GOLT1B: variants seen among roughly 807,000 people sequenced by gnomAD.
GOLT1B encodes golgi transport 1B, also known as vesicle transport protein GOT1B.
In GOLT1B, 3 loss-of-function variants were observed where a neutral mutation model predicts 15.4. The ratio of observed to expected loss-of-function variants is 0.19; its 90% CI spans 0.09 to 0.50. GOLT1B has a LOEUF of 0.50. Ranked by LOEUF, GOLT1B falls within the 20% of genes least tolerant of loss-of-function variation. GOLT1B has a pLI of 0.97. For missense variants in GOLT1B, 145 were observed against 160.4 expected (o/e 0.90, Z 0.52); for synonymous variants, 65 against 56.2 (o/e 1.16, Z -0.70).
intron 1 of GOLT1B, among the ~76,000 whole-genome samples, chr12:21,502,409 A>G (rs1943639253): frequency 6.6e-6 from 1 of 152,208 alleles, no homozygotes; most frequent in Admixed American, 6.5e-5. Flanking sequence ...TGTCACCTAC[A>G]GTAGGCTCTT....
chr12:21,504,187 AT>A (rs1403899479), intron 1 of GOLT1B, among the ~76,000 whole-genome samples: 1 of 151,936 alleles, frequency 6.6e-6, no homozygotes, highest in East Asian at 1.9e-4. Flanking sequence ...TTGTTTTTAT[AT>A]TTTTTTTAAC....
At chr12:21,504,189 T>A (rs537279828) in intron 1 of GOLT1B, among the ~76,000 whole-genome samples, 13 of 152,284 alleles carry the variant, frequency 8.5e-5, no homozygotes, top group African/African-American at 1.4e-4. Context: ...GTTTTTATAT[T>A]TTTTTTAACT....
Position 21,501,891 on chromosome 12 carries a change from G to C in GOLT1B, c.-33G>C, listed in dbSNP as rs71539408. On this transcript the variant is annotated 5_prime_UTR_variant, in exon 1 of 5. Coordinates refer to ENST00000229314, the MANE Select transcript of GOLT1B (RefSeq NM_016072.5). ...CAGCTTCCCACCCTGGGCTTTCCGAGGTGCTGTCGCCGCTGTCCCCACCAC... is the reference window on the plus strand; with the variant it reads ...CAGCTTCCCACCCTGGGCTTTCCGACGTGCTGTCGCCGCTGTCCCCACCAC... 0.033 allele frequency: 51,674 copies of C among 1,553,666 alleles called. 1,001 individuals are homozygous for C. The highest frequency in any genetic ancestry group is 0.04 in the Middle Eastern group (238 of 5,974).
chr12:21,507,034 AATT>A (rs1487433500), intron 2 of GOLT1B, 58 bp downstream of exon 2: 13 of 724,048 alleles, frequency 1.8e-5, no homozygotes, highest in Non-Finnish European at 2.7e-5. Flanking sequence ...ACTACGAATG[AATT>A]ATTATCTGCT....
intron 1 of GOLT1B, among the ~76,000 whole-genome samples, chr12:21,503,304 A>G (rs1035972516): frequency 1.3e-5 from 2 of 152,234 alleles, no homozygotes; most frequent in African/African-American, 2.4e-5. Context: ...TGCCCCTTTC[A>G]TAAGTTAAAT....
rs1032982178 is a variant in GOLT1B, at chr12:21,517,580, A to C, written c.*1873A>C. 7 of 151,984 alleles carry C rather than the reference A, an allele frequency of 4.6e-5. No homozygotes were observed. Among genetic ancestry groups the C allele is most frequent in the Non-Finnish European group, 1.0e-4 (7 of 67,884 alleles). The allele number at this position is 151,984 out of a possible 1,614,324, so 9.4% of individuals were successfully genotyped here. On this transcript the variant is annotated 3_prime_UTR_variant, in exon 5 of 5. Coordinates refer to ENST00000229314, the MANE Select transcript of GOLT1B (RefSeq NM_016072.5). Reference sequence around the variant, plus strand: ...CTAATGTAAGGGACATCTGTATTTAACTCCTTTGTAGACATGAATTTCTAT... The same window carrying C: ...CTAATGTAAGGGACATCTGTATTTACCTCCTTTGTAGACATGAATTTCTAT...
intron 4 of GOLT1B, among the ~76,000 whole-genome samples, chr12:21,512,597 T>C (rs1943728014): frequency 6.6e-6 from 1 of 152,214 alleles, no homozygotes; most frequent in Admixed American, 6.5e-5. Context: ...ATCCATATTC[T>C]CTATTTTTTA....
In GOLT1B at chr12:21,509,215, A is replaced by T. The variant is rs111261833; in HGVS notation, c.296+654A>T. 1.2e-3 allele frequency among the ~76,000 whole-genome samples: 182 copies of T among 152,156 alleles called. 1 individual carries two copies. Among genetic ancestry groups the T allele is most frequent in the African/African-American group, 4.0e-3 (165 of 41,510 alleles). On this transcript the variant is annotated intron_variant, in intron 3 of 4. Transcript: ENST00000229314. ...GGAGGTCAAGACCAGCCTGGCCAGC[A>T]TGATGAAACCCCGTCTCTACTAAAA...
chr12:21,508,159 A>G (rs1943692717), intron 2 of GOLT1B: 1 of 519,346 alleles, frequency 1.9e-6, no homozygotes, highest in Admixed American at 3.6e-5. Flanking sequence ...TAATCAAGAT[A>G]GAAGAGGAAT....
In GOLT1B at chr12:21,517,978, T is replaced by C. The variant is rs574021758; in HGVS notation, c.*2271T>C. On this transcript the variant is annotated 3_prime_UTR_variant, in exon 5 of 5. Transcript: ENST00000229314. The stretch of plus-strand genomic sequence containing the variant: ...TACATAGCCTTAAGTGTTTCTGTCA[T>C]TGTTCAAGTGTATTTTCTGTAACAG... 6.5e-6 allele frequency: 1 copy of C among 152,736 alleles called. No individual in the cohort carries two copies. Among genetic ancestry groups the C allele is most frequent in the African/African-American group, 2.4e-5 (1 of 41,600 alleles). 9.5% of individuals were successfully genotyped at this position (152,736 alleles called of 1,614,324 possible).
chr12:21,504,296 C>T (rs1426864418), intron 1 of GOLT1B, among the ~76,000 whole-genome samples: 1 of 152,048 alleles, frequency 6.6e-6, no homozygotes, highest in Non-Finnish European at 1.5e-5. Flanking sequence ...CTATGCAAGG[C>T]TTTTGATAGC....
At chr12:21,503,184 T>C (rs573365212) in intron 1 of GOLT1B, among the ~76,000 whole-genome samples, 3 of 152,212 alleles carry the variant, frequency 2.0e-5, no homozygotes, top group Non-Finnish European at 4.4e-5. Flanking sequence ...TCTAGTGTAA[T>C]AATAATTACT....
chr12:21,507,352 G>C, intron 2 of GOLT1B: 1 of 205,678 alleles, frequency 4.9e-6, no homozygotes, highest in Non-Finnish European at 9.9e-6. Context: ...GCATAAGATA[G>C]ATTTTTTTAA....
At chr12:21,507,514 A>ATGTGTGTG (rs148998436) in intron 2 of GOLT1B, among the ~76,000 whole-genome samples, 64,267 of 147,104 alleles carry the variant, frequency 0.44, 14,817 homozygotes, top group East Asian at 0.65. Flanking sequence ...AAGACACTGT[A>ATGTGTGTG]TGTGTGTGTG....
At position 21,509,535 on chromosome 12, in the gene GOLT1B, A is replaced by G. The variant is rs542266996; in HGVS notation, c.296+974A>G. Among the ~76,000 whole-genome samples the G allele has an allele frequency of 2.0e-5, 3 of 152,296 alleles. No individual in the cohort carries two copies. In the South Asian group the frequency reaches 6.2e-4, roughly 32 times the overall value. Reference sequence around the variant, plus strand: ...TGTATTACCCACAGGAGACATAAAAATAAATTAAGTACCAAATCTGCTTTA... The same window carrying G: ...TGTATTACCCACAGGAGACATAAAAGTAAATTAAGTACCAAATCTGCTTTA... On this transcript the variant is annotated intron_variant, in intron 3 of 4. Transcript: ENST00000229314.
Position 21,501,899 on chromosome 12 carries a change from C to T in GOLT1B, c.-25C>T. On this transcript the variant is annotated 5_prime_UTR_variant, in exon 1 of 5. Transcript: ENST00000229314. ...CACCCTGGGCTTTCCGAGGTGCTGT[C>T]GCCGCTGTCCCCACCACTGCAGCCA... The T allele has an allele frequency of 1.3e-6, 2 of 1,584,988 alleles. No individual in the cohort carries two copies. Among genetic ancestry groups the T allele is most frequent in the Non-Finnish European group, 1.7e-6 (2 of 1,153,670 alleles).
intron 3 of GOLT1B, among the ~76,000 whole-genome samples, chr12:21,510,302 T>A (rs12582513): frequency 6.6e-6 from 1 of 151,738 alleles, no homozygotes; most frequent in Non-Finnish European, 1.5e-5. Flanking sequence ...TGAAGAAGAG[T>A]TTGTTTTGGC....
At chr12:21,504,537 G>T (rs1487129750) in intron 1 of GOLT1B, 1 of 502,228 alleles carries the variant, frequency 2.0e-6, no homozygotes, top group Middle Eastern at 3.2e-4. Context: ...TAGGACCATT[G>T]TCTGTGGAGT....
intron 2 of GOLT1B, among the ~76,000 whole-genome samples, chr12:21,507,692 C>T (rs569473339): frequency 4.6e-5 from 7 of 152,044 alleles, no homozygotes; most frequent in Admixed American, 3.9e-4. Flanking sequence ...TGTATTTGTG[C>T]GAAATATTTT....
Sources: allele counts gnomAD v4.1 joint callset (sites outside exome capture counted in the v4.1 genomes callset), GRCh38; gene constraint gnomAD v4.1.1; transcripts MANE v1.5; gene names NCBI Gene and HGNC (gene_info 2026-07-23, HGNC 2026-07-21).